Variants in CCSER1 observed in about 807,000 individuals in gnomAD.
CCSER1 encodes the protein coiled-coil serine rich protein 1, also known as serine-rich coiled-coil domain-containing protein 1.
A neutral mutation model predicts 82.0 loss-of-function variants in CCSER1; 41 were observed. The ratio of observed to expected loss-of-function variants is 0.50; its 90% CI spans 0.39 to 0.65. The LOEUF (loss-of-function observed/expected upper bound fraction) is 0.65. Ranked by LOEUF, CCSER1 falls within the 30% of genes least tolerant of loss-of-function variation. The probability of loss-of-function intolerance (pLI) is 0.00; values close to 1 mark genes in which losing one functional copy is unlikely to be tolerated. For synonymous variants in CCSER1, 414 were observed against 383.9 expected (o/e 1.08, Z -0.92); for missense variants, 1,119 against 1,064.2 (o/e 1.05, Z -0.72).
intron 10 of CCSER1, among the ~76,000 whole-genome samples, chr4:91,169,739 C>T (rs571838047): frequency 2.6e-5 from 4 of 151,696 alleles, no homozygotes; most frequent in African/African-American, 9.7e-5. Flanking sequence ...TGTATATCAA[C>T]AAGAAATAAA....
At chr4:91,505,908 T>C (rs575428355) in intron 10 of CCSER1, among the ~76,000 whole-genome samples, 13 of 152,346 alleles carry the variant, frequency 8.5e-5, no homozygotes, top group Admixed American at 2.0e-4. Flanking sequence ...ACTCTGATGA[T>C]AGTTCCTTTT....
At chr4:90,593,725 T>A (rs1285944918) in intron 5 of CCSER1, among the ~76,000 whole-genome samples, 2 of 152,032 alleles carry the variant, frequency 1.3e-5, no homozygotes, top group African/African-American at 4.8e-5. Context: ...ATTGCCTTCC[T>A]TTACACCCGA....
intron 6 of CCSER1, among the ~76,000 whole-genome samples, chr4:90,639,680 G>A (rs1277951197): frequency 6.6e-6 from 1 of 152,016 alleles, no homozygotes; most frequent in East Asian, 1.9e-4. Flanking sequence ...TGAGTTACAG[G>A]CAGATTATAT....
At chr4:90,709,141 A>G (rs1739998780) in intron 6 of CCSER1, among the ~76,000 whole-genome samples, 2 of 152,206 alleles carry the variant, frequency 1.3e-5, no homozygotes, top group South Asian at 4.1e-4. Context: ...CATTCCATAT[A>G]ATGTAAACTT....
At chr4:90,913,355 G>T (rs1311404585) in intron 8 of CCSER1, among the ~76,000 whole-genome samples, 1 of 152,140 alleles carries the variant, frequency 6.6e-6, no homozygotes, top group Non-Finnish European at 1.5e-5. Flanking sequence ...TTAAAGAAAA[G>T]AATTTTCAAC....
intron 10 of CCSER1, among the ~76,000 whole-genome samples, chr4:91,584,817 TTTC>T (rs1278309827): frequency 1.1e-4 from 17 of 151,346 alleles, no homozygotes; most frequent in African/African-American, 9.7e-5. Context: ...CCTTAAAAAT[TTTC>T]TTCTTGCCTA....
intron 10 of CCSER1, among the ~76,000 whole-genome samples, chr4:91,559,808 A>C (rs1167165738): frequency 6.6e-6 from 1 of 151,472 alleles, no homozygotes; most frequent in African/African-American, 2.4e-5. Flanking sequence ...CATATTTTAA[A>C]TAGTATCATA....
intron 1 of CCSER1, among the ~76,000 whole-genome samples, chr4:90,253,858 A>G (rs533062970): frequency 6.6e-6 from 1 of 152,248 alleles, no homozygotes; most frequent in South Asian, 2.1e-4. Flanking sequence ...ATTTCTAGCT[A>G]GTCTGCATCT....
At chr4:91,341,740 A>C (rs1310967678) in intron 10 of CCSER1, among the ~76,000 whole-genome samples, 4 of 152,146 alleles carry the variant, frequency 2.6e-5, no homozygotes, top group African/African-American at 9.7e-5. Flanking sequence ...ACAGGGTTTC[A>C]CCATGTTGGC....
intron 10 of CCSER1, among the ~76,000 whole-genome samples, chr4:91,298,284 A>C (rs771829412): frequency 2.0e-5 from 3 of 152,056 alleles, no homozygotes; most frequent in Non-Finnish European, 2.9e-5. Flanking sequence ...GTCATTGTTC[A>C]TTCTTGCCAC....
At chr4:90,477,843 A>C (rs925451976) in intron 5 of CCSER1, among the ~76,000 whole-genome samples, 1 of 152,110 alleles carries the variant, frequency 6.6e-6, no homozygotes, top group East Asian at 1.9e-4. Context: ...CAACATTATC[A>C]AATTTTTAAA....
chr4:91,054,967 T>C (rs1439261420), intron 9 of CCSER1, among the ~76,000 whole-genome samples: 1 of 152,170 alleles, frequency 6.6e-6, no homozygotes, highest in African/African-American at 2.4e-5. Flanking sequence ...TGGAATTTAA[T>C]CTATTTACAT....
chr4:90,648,553 T>G (rs1306761098), intron 6 of CCSER1, among the ~76,000 whole-genome samples: 1 of 56,576 alleles, frequency 1.8e-5, no homozygotes, highest in African/African-American at 6.1e-5. Context: ...GGCCTTTAAC[T>G]AAGGTTAAAT....
chr4:91,073,070 G>A (rs531865137), intron 9 of CCSER1, among the ~76,000 whole-genome samples: 30 of 152,052 alleles, frequency 2.0e-4, no homozygotes, highest in East Asian at 5.8e-4. Flanking sequence ...TAAATGGGAC[G>A]TGAACAACAA....
At chr4:90,553,213 C>T (rs1777740397) in intron 5 of CCSER1, among the ~76,000 whole-genome samples, 1 of 152,182 alleles carries the variant, frequency 6.6e-6, no homozygotes, top group Admixed American at 6.5e-5. Flanking sequence ...CGTGATCTAC[C>T]TGCCTTGGCC....
At chr4:91,552,818 T>TA (rs140440955) in intron 10 of CCSER1, among the ~76,000 whole-genome samples, 2,820 of 151,646 alleles carry the variant, frequency 0.019, 48 homozygotes, top group East Asian at 0.041. Flanking sequence ...TTCTATCATC[T>TA]AAAAAAAGAT....
chr4:91,176,348 C>T (rs530267253), intron 10 of CCSER1, among the ~76,000 whole-genome samples: 2 of 152,018 alleles, frequency 1.3e-5, no homozygotes, highest in Admixed American at 1.3e-4. Context: ...TATTTTTTTC[C>T]AATTCTGTGA....
chr4:91,426,039 G>A (rs894846446), intron 10 of CCSER1, among the ~76,000 whole-genome samples: 5 of 152,048 alleles, frequency 3.3e-5, no homozygotes, highest in Middle Eastern at 6.8e-3. Flanking sequence ...CCCTTCCCTA[G>A]CCCCCCACAT....
In CCSER1 at chr4:90,619,681, A is replaced by G. The variant is rs552528793; in HGVS notation, c.1725-8344A>G. Among the ~76,000 whole-genome samples the G allele has an allele frequency of 3.4e-4, 52 of 152,230 alleles. 1 individual carries two copies. In the South Asian group the frequency reaches 9.9e-3, roughly 29 times the overall value. On this transcript the variant is annotated intron_variant, in intron 5 of 10. Transcript: ENST00000509176. Reference sequence around the variant, plus strand: ...CTTCAATAATAGCATGATTACAGGCATACAATACCTCCAATTAAATAATTA... The same window carrying G: ...CTTCAATAATAGCATGATTACAGGCGTACAATACCTCCAATTAAATAATTA...
Sources: gnomAD v4.1 joint callset for allele counts (sites outside exome capture counted in the v4.1 genomes callset) on GRCh38, gnomAD v4.1.1 for gene constraint, MANE v1.5 for transcripts, NCBI Gene and HGNC (gene_info 2026-07-23, HGNC 2026-07-21) for gene names.